MB21D2: variants seen among roughly 807,000 people sequenced by gnomAD.
MB21D2 encodes Mab-21 domain containing 2, also known as nucleotidyltransferase MB21D2.
MB21D2 carries 9 observed loss-of-function variants against 33.3 expected under a neutral mutation model. The ratio of observed to expected loss-of-function variants is 0.27; its 90% confidence interval spans 0.16 to 0.47. The LOEUF is 0.47. Ranked by LOEUF, MB21D2 falls within the 20% of genes least tolerant of loss-of-function variation. MB21D2 has a pLI of 0.99. For missense variants in MB21D2, 540 were observed against 624.6 expected (o/e 0.86, Z 1.44); for synonymous variants, 241 against 236.3 (o/e 1.02, Z -0.18).
intron 1 of MB21D2, among the ~76,000 whole-genome samples, chr3:192,893,521 A>G (rs1016433431): frequency 6.6e-6 from 1 of 152,192 alleles, no homozygotes; most frequent in African/African-American, 2.4e-5. Flanking sequence ...ATGACACAGT[A>G]AGTGACAGAA....
intron 1 of MB21D2, among the ~76,000 whole-genome samples, chr3:192,863,415 G>A (rs2108634739): frequency 6.6e-6 from 1 of 152,328 alleles, no homozygotes; most frequent in African/African-American, 2.4e-5. Flanking sequence ...ACTAACGGTT[G>A]TTTTCCAAGT....
intron 1 of MB21D2, among the ~76,000 whole-genome samples, chr3:192,800,362 G>A (rs1046303113): frequency 2.0e-5 from 3 of 152,076 alleles, no homozygotes; most frequent in Non-Finnish European, 4.4e-5. Context: ...TTACAGGCAT[G>A]AGCTACCACG....
rs565166563 is a variant in MB21D2, at chr3:192,886,105, G to A, written c.211+31525C>T. On this transcript the variant is annotated intron_variant, in intron 1 of 1. Transcript: ENST00000392452. The stretch of plus-strand genomic sequence containing the variant: ...CTCCCAAGTAGCTGGGATTACAGGC[G>A]CCCACCTCCATGCCCGGCTAATTTT... Among the ~76,000 whole-genome samples the A allele has an allele frequency of 6.6e-5, 10 of 151,882 alleles. 1 individual carries two copies. The highest frequency in any genetic ancestry group is 2.6e-4 in the Admixed American group (4 of 15,272).
rs563558331 is a variant in MB21D2 at position 192,843,755 on chromosome 3, G to T, written c.212-44105C>A. Among the ~76,000 whole-genome samples the T allele has an allele frequency of 2.0e-4, 30 of 152,096 alleles. No individual in the cohort carries two copies. In the East Asian group the frequency reaches 4.6e-3, roughly 24 times the overall value. On this transcript the variant is annotated intron_variant, in intron 1 of 1. Transcript: ENST00000392452. The stretch of plus-strand genomic sequence containing the variant: ...CTGCAGGTTATTTCACTTCCTGGAG[G>T]CCTGTTTACCCAAATTATAAAATAG...
intron 1 of MB21D2, among the ~76,000 whole-genome samples, chr3:192,830,373 C>G (rs1279173129): frequency 1.3e-5 from 2 of 151,972 alleles, no homozygotes; most frequent in South Asian, 4.1e-4. Context: ...TGTTTAGGTT[C>G]CATTCCGCAC....
intron 1 of MB21D2, among the ~76,000 whole-genome samples, chr3:192,882,299 T>C (rs1030858660): frequency 6.6e-6 from 1 of 152,054 alleles, no homozygotes; most frequent in African/African-American, 2.4e-5. Flanking sequence ...GGTCTCGAAC[T>C]CCCGACCTCA....
At chr3:192,908,483 C>G (rs1714260462) in intron 1 of MB21D2, among the ~76,000 whole-genome samples, 1 of 151,324 alleles carries the variant, frequency 6.6e-6, no homozygotes, top group South Asian at 2.1e-4. Flanking sequence ...ACTGCAAGCT[C>G]CGCCTCCTGG....
intron 1 of MB21D2, among the ~76,000 whole-genome samples, chr3:192,897,551 GTTC>G (rs1296197646): frequency 1.3e-5 from 2 of 152,244 alleles, no homozygotes; most frequent in Admixed American, 6.5e-5. Context: ...ATCACGTCTA[GTTC>G]TTCTCATTTT....
chr3:192,902,570 T>C (rs551880576), intron 1 of MB21D2, among the ~76,000 whole-genome samples: 1 of 152,354 alleles, frequency 6.6e-6, no homozygotes, highest in African/African-American at 2.4e-5. Flanking sequence ...CCATCACTGT[T>C]TGACCTTGAG....
intron 1 of MB21D2, among the ~76,000 whole-genome samples, chr3:192,854,559 G>C (rs972279455): frequency 6.6e-6 from 1 of 152,226 alleles, no homozygotes; most frequent in Non-Finnish European, 1.5e-5. Flanking sequence ...TAAAATAACC[G>C]ATGAAGGTAG....
rs191579165 is a variant in MB21D2 at position 192,874,227 on chromosome 3, C to T, written c.211+43403G>A. Among the ~76,000 whole-genome samples the T allele has an allele frequency of 2.3e-4, 35 of 152,154 alleles. No homozygotes were observed. The East Asian group carries it at 3.3e-3, about 14-fold the overall frequency. Reference sequence around the variant, plus strand: ...CTGTGTAAAAACTTACTGGGCTGTACATAAAAATTTTGCCATTTACCATGC... The same window carrying T: ...CTGTGTAAAAACTTACTGGGCTGTATATAAAAATTTTGCCATTTACCATGC... On this transcript the variant is annotated intron_variant, in intron 1 of 1. Coordinates refer to ENST00000392452, the MANE Select transcript of MB21D2 (RefSeq NM_178496.4).
Position 192,814,721 on chromosome 3 carries a change from C to T in MB21D2, c.212-15071G>A, listed in dbSNP as rs561630463. Among the ~76,000 whole-genome samples, 403 of 152,078 alleles carry T rather than the reference C, an allele frequency of 2.6e-3. 3 individuals carry two copies. The highest frequency in any genetic ancestry group is 0.024 in the Middle Eastern group (7 of 294). ...ACTAAAAAAAATACAAAAAATTACC[C>T]AGGCGTGGTGGTGGACGCCTTTAGT... On this transcript the variant is annotated intron_variant, in intron 1 of 1. Coordinates refer to ENST00000392452, the MANE Select transcript of MB21D2 (RefSeq NM_178496.4).
intron 1 of MB21D2, among the ~76,000 whole-genome samples, chr3:192,909,408 T>G (rs1301612380): frequency 2.0e-5 from 3 of 152,202 alleles, no homozygotes; most frequent in Non-Finnish European, 4.4e-5. Context: ...CAGTAAACAT[T>G]TTTTGAGATA....
chr3:192,832,382 A>T (rs1712333581), intron 1 of MB21D2, among the ~76,000 whole-genome samples: 1 of 152,256 alleles, frequency 6.6e-6, no homozygotes, highest in South Asian at 2.1e-4. Context: ...AGGCCAATGC[A>T]AAAAACTTGT....
chr3:192,870,628 T>C (rs1363334003), intron 1 of MB21D2, among the ~76,000 whole-genome samples: 1 of 134,452 alleles, frequency 7.4e-6, no homozygotes, highest in Non-Finnish European at 1.5e-5. Flanking sequence ...GGAGAATCAC[T>C]GGAACCTGGG....
In MB21D2 at chr3:192,797,310, T is replaced by C. The variant is rs1225681421; in HGVS notation, c.*1076A>G. 1 of 152,558 alleles carries C rather than the reference T, an allele frequency of 6.6e-6. No homozygotes were observed. Among genetic ancestry groups the C allele is most frequent in the Non-Finnish European group, 1.5e-5 (1 of 68,018 alleles). 9.5% of individuals were successfully genotyped at this position (152,558 alleles called of 1,614,324 possible). Reference sequence around the variant, plus strand: ...TCAAAACTCTCAGGAAGAGTAGAGATTTTACAAAAAAGCTTACCTCTATGA... The same window carrying C: ...TCAAAACTCTCAGGAAGAGTAGAGACTTTACAAAAAAGCTTACCTCTATGA... On this transcript the variant is annotated 3_prime_UTR_variant, in exon 2 of 2. Coordinates refer to ENST00000392452, the MANE Select transcript of MB21D2 (RefSeq NM_178496.4).
chr3:192,909,239 G>C (rs1019820823), intron 1 of MB21D2, among the ~76,000 whole-genome samples: 5 of 150,138 alleles, frequency 3.3e-5, no homozygotes, highest in Non-Finnish European at 7.4e-5. Context: ...CTGGGTGACA[G>C]AGCGAGACTC....
intron 1 of MB21D2, among the ~76,000 whole-genome samples, chr3:192,838,510 A>G (rs1220926152): frequency 3.2e-4 from 47 of 148,500 alleles, no homozygotes; most frequent in African/African-American, 1.2e-3. Flanking sequence ...CTCACTGCAA[A>G]CTCCGCCTCC....
chr3:192,909,936 CAAAAAAA>C lies in MB21D2; in HGVS notation c.211+7687_211+7693del, dbSNP rs61613458. On this transcript the variant is annotated intron_variant, in intron 1 of 1. Transcript: ENST00000392452. ...TGAGTGACAGAGCAAGACTCTGTCTCAAAAAAAAAAAAAAAAAAAAAAAAAAAGAAAG... is the reference window on the plus strand; with the variant it reads ...TGAGTGACAGAGCAAGACTCTGTCTCAAAAAAAAAAAAAAAAAAAAGAAAG... Among the ~76,000 whole-genome samples the C allele has an allele frequency of 3.8e-4, 20 of 52,818 alleles. No individual in the cohort carries two copies. The East Asian group carries it at 5.6e-3, about 15-fold the overall frequency. 34.7% of individuals were successfully genotyped at this position (52,818 alleles called of 152,430 possible).
Sources: gnomAD v4.1 joint callset for allele counts (sites outside exome capture counted in the v4.1 genomes callset) on GRCh38, gnomAD v4.1.1 for gene constraint, MANE v1.5 for transcripts, NCBI Gene and HGNC (gene_info 2026-07-23, HGNC 2026-07-21) for gene names.